Variants in TRDN observed in about 807,000 individuals in gnomAD.
TRDN encodes the protein triadin in skeletal muscle.
In TRDN, 161 loss-of-function variants were observed where a neutral mutation model predicts 149.7. The ratio of observed to expected loss-of-function variants is 1.08; its 90% CI spans 0.95 to 1.23. The LOEUF is 1.23. Among genes scored for constraint, TRDN ranks in the 50% most tolerant of loss-of-function variants. The pLI is 0.00. For missense variants in TRDN, 896 were observed against 823.5 expected (o/e 1.09, Z -1.08); for synonymous variants, 294 against 250.5 (o/e 1.17, Z -1.64).
chr6:123,323,013 T>C (rs545214604), intron 23 of TRDN, among the ~76,000 whole-genome samples: 26 of 152,254 alleles, frequency 1.7e-4, no homozygotes, highest in Non-Finnish European at 1.8e-4. Flanking sequence ...GGAGCCTCAC[T>C]GCCTAGAATA....
chr6:123,544,466 C>A (rs1267973591), intron 4 of TRDN, among the ~76,000 whole-genome samples: 2 of 151,992 alleles, frequency 1.3e-5, no homozygotes, highest in Non-Finnish European at 2.9e-5. Context: ...ACATTCAATT[C>A]CTTTAAATCT....
At chr6:123,306,274 C>T (rs892847622) in intron 24 of TRDN, among the ~76,000 whole-genome samples, 2 of 152,078 alleles carry the variant, frequency 1.3e-5, no homozygotes, top group African/African-American at 2.4e-5. Context: ...TGGCCTAAGT[C>T]TCTGATGACC....
chr6:123,551,860 A>C (rs1402512587), intron 2 of TRDN, among the ~76,000 whole-genome samples: 1 of 152,074 alleles, frequency 6.6e-6, no homozygotes, highest in Non-Finnish European at 1.5e-5. Context: ...ATTGATTCTA[A>C]GGTCTCGTTT....
chr6:123,397,490 C>T (rs1772781384), intron 12 of TRDN, among the ~76,000 whole-genome samples: 1 of 152,070 alleles, frequency 6.6e-6, no homozygotes, highest in Non-Finnish European at 1.5e-5. Flanking sequence ...ACCCAACAAA[C>T]TGCTGGAAAA....
Position 123,561,727 on chromosome 6 carries a change from C to A in TRDN, c.232+9196G>T, listed in dbSNP as rs554069042. Among the ~76,000 whole-genome samples the A allele has an allele frequency of 2.6e-5, 4 of 152,116 alleles. No homozygotes were observed. In the South Asian group the frequency reaches 8.3e-4, roughly 32 times the overall value. On this transcript the variant is annotated intron_variant, in intron 2 of 40. Transcript: ENST00000334268. ...CAATAATTCTATATGACAAATGTTT[C>A]TTCTAACAACCCCACAATATCACCC...
chr6:123,553,986 C>T (rs1479607333), intron 2 of TRDN, among the ~76,000 whole-genome samples: 2 of 152,152 alleles, frequency 1.3e-5, no homozygotes, highest in Admixed American at 6.6e-5. Context: ...TTACCTCAAA[C>T]ATACAATGCT....
chr6:123,265,432 T>C, intron 32 of TRDN, 94 bp from the exon 33 acceptor site: 1 of 812,488 alleles, frequency 1.2e-6, no homozygotes. Context: ...TTTTGCTTTT[T>C]ATTGTAAAAA....
chr6:123,553,841 A>G (rs1177347847), intron 2 of TRDN, among the ~76,000 whole-genome samples: 2 of 152,156 alleles, frequency 1.3e-5, no homozygotes, highest in African/African-American at 2.4e-5. Flanking sequence ...GCCCTCCCAC[A>G]ACATGTGGGA....
chr6:123,406,333 A>C (rs774824059), intron 12 of TRDN, among the ~76,000 whole-genome samples: 3 of 152,118 alleles, frequency 2.0e-5, no homozygotes, highest in Admixed American at 6.6e-5. Context: ...TTTTAAACAC[A>C]GTGTTTAAAA....
rs568055468 is a variant in TRDN at position 123,408,703 on chromosome 6, G to A, written c.1052-15026C>T. Among the ~76,000 whole-genome samples the A allele has an allele frequency of 4.6e-5, 7 of 151,216 alleles. No individual in the cohort carries two copies. The East Asian group carries it at 1.4e-3, about 29-fold the overall frequency. ...CAAAAAAAAAAAAAAGAATTGTTTG[G>A]CAACATACGTATATAAATTAATTTC... is the stretch of plus-strand genomic sequence containing the variant. On this transcript the variant is annotated intron_variant, in intron 12 of 40. Coordinates refer to ENST00000334268, the MANE Select transcript of TRDN (RefSeq NM_006073.4).
chr6:123,460,560 T>C (rs1776391334), intron 10 of TRDN, among the ~76,000 whole-genome samples: 1 of 152,150 alleles, frequency 6.6e-6, no homozygotes. Flanking sequence ...AAAAATATTA[T>C]ATTGACCTGA....
intron 40 of TRDN, among the ~76,000 whole-genome samples, chr6:123,220,710 A>T (rs1419622160): frequency 6.6e-6 from 1 of 151,770 alleles, no homozygotes; most frequent in African/African-American, 2.4e-5. Flanking sequence ...GCACTTTAGT[A>T]ATTTCCTGCA....
intron 1 of TRDN, among the ~76,000 whole-genome samples, chr6:123,611,332 G>A (rs944727911): frequency 2.6e-5 from 4 of 151,746 alleles, no homozygotes; most frequent in Admixed American, 2.6e-4. Context: ...GATATGAGAG[G>A]GCAAAAAAGA....
intron 31 of TRDN, among the ~76,000 whole-genome samples, chr6:123,268,093 C>T (rs1398702752): frequency 6.6e-6 from 1 of 151,982 alleles, no homozygotes; most frequent in Non-Finnish European, 1.5e-5. Context: ...TCTTTGGGGA[C>T]ATTTTTAGTG....
At chr6:123,490,742 A>G (rs143954591) in intron 9 of TRDN, among the ~76,000 whole-genome samples, 43 of 152,364 alleles carry the variant, frequency 2.8e-4, no homozygotes, top group African/African-American at 9.4e-4. Context: ...GCAGGCATCC[A>G]AAAGAAATGG....
chr6:123,356,517 A>ATATATG (rs1339143057), intron 20 of TRDN, among the ~76,000 whole-genome samples: 8 of 17,182 alleles, frequency 4.7e-4, no homozygotes, highest in Non-Finnish European at 5.0e-4. Flanking sequence ...ATATATATAT[A>ATATATG]TATATATATA....
chr6:123,512,628 G>T (rs1779236683), intron 6 of TRDN, among the ~76,000 whole-genome samples: 1 of 152,092 alleles, frequency 6.6e-6, no homozygotes, highest in Non-Finnish European at 1.5e-5. Context: ...AACAGGTAAA[G>T]CTTTCAGGGA....
At chr6:123,597,828 T>C (rs1003221449) in intron 1 of TRDN, among the ~76,000 whole-genome samples, 1 of 152,142 alleles carries the variant, frequency 6.6e-6, no homozygotes, top group African/African-American at 2.4e-5. Flanking sequence ...TACTCTATAG[T>C]GTAGATATAA....
intron 24 of TRDN, among the ~76,000 whole-genome samples, chr6:123,279,911 G>A (rs1024137866): frequency 6.6e-6 from 1 of 152,028 alleles, no homozygotes; most frequent in Non-Finnish European, 1.5e-5. Flanking sequence ...CATAACAGGG[G>A]TCTAATTACT....
Sources: allele counts gnomAD v4.1 joint callset (sites outside exome capture counted in the v4.1 genomes callset), GRCh38; gene constraint gnomAD v4.1.1; transcripts MANE v1.5; gene names NCBI Gene and HGNC (gene_info 2026-07-23, HGNC 2026-07-21).